The following CCDC92B variants were observed in gnomAD, a reference collection of about 807,000 sequenced individuals.
CCDC92B encodes the protein coiled-coil domain containing 92B, also known as coiled-coil domain-containing 92B.
A neutral mutation model predicts 5.6 loss-of-function variants in CCDC92B; 2 were observed. The ratio of observed to expected loss-of-function variants is 0.36; its 90% CI spans 0.15 to 1.12. The LOEUF is 1.12. Ranked by LOEUF, CCDC92B falls within the 50% of genes most tolerant of loss-of-function variation. The probability of loss-of-function intolerance (pLI) is 0.40; values close to 1 mark genes in which losing one functional copy is unlikely to be tolerated. For missense variants in CCDC92B, 271 were observed against 262.2 expected, an observed-to-expected ratio of 1.03 and a Z score of -0.23; for synonymous variants, 115 against 122.3, an observed-to-expected ratio of 0.94 and a Z score of 0.39.
intron 1 of CCDC92B, among the ~76,000 whole-genome samples, chr17:2,744,484 T>C (rs1373677203): frequency 6.6e-6 from 1 of 152,194 alleles, no homozygotes; most frequent in Admixed American, 6.6e-5. Flanking sequence ...GACCTCCTGC[T>C]TCCAGCCCCC....
rs556216190 is a variant in CCDC92B at position 2,722,798 on chromosome 17, G to C, written c.*1613C>G. 1 of 152,568 alleles carries C rather than the reference G, an allele frequency of 6.6e-6. No homozygotes were observed. The highest frequency in any genetic ancestry group is 2.4e-5 in the African/African-American group (1 of 41,446). The allele number at this position is 152,568 out of a possible 1,614,324, so 9.5% of individuals were successfully genotyped here. ...TCTCCCTGCCCCACGTCCTCCCCTC[G>C]AAGCCCCTGGAAGACCTCACAGGCA... is the stretch of plus-strand genomic sequence containing the variant. On this transcript the variant is annotated 3_prime_UTR_variant, in exon 4 of 4. Transcript: ENST00000614400.
chr17:2,723,937 G>T lies in CCDC92B; in HGVS notation c.*474C>A, dbSNP rs1229694275. On this transcript the variant is annotated 3_prime_UTR_variant, in exon 4 of 4. Coordinates refer to ENST00000614400, the MANE Select transcript of CCDC92B (RefSeq NM_001355573.2). ...AGCCTGGGCCTCTCCTGGGGAGGAA[G>T]AAGGCTTGGCGGGAAGGGCGTCGGC... The T allele has an allele frequency of 3.1e-6, 3 of 981,020 alleles. No homozygotes were observed. Among genetic ancestry groups the T allele is most frequent in the Non-Finnish European group, 3.6e-6 (3 of 828,306 alleles). The allele number at this position is 981,020 out of a possible 1,614,324, so 60.8% of individuals were successfully genotyped here. A position where few individuals can be genotyped will look rare whatever the true frequency, so the allele number is the denominator to read the frequency against.
At position 2,724,328 on chromosome 17, in the gene CCDC92B, C is replaced by T. The variant is rs2070697766; in HGVS notation, c.*83G>A. On this transcript the variant is annotated 3_prime_UTR_variant, in exon 4 of 4. Coordinates refer to ENST00000614400, the MANE Select transcript of CCDC92B (RefSeq NM_001355573.2). The surrounding 1 kb of genome is among the most constrained non-coding windows in gnomAD (Gnocchi z 5.0). The stretch of plus-strand genomic sequence containing the variant: ...TGGAGGAGGGGCGGCTGCCCTCCGA[C>T]CCGGGACCTGCCTGCGGGGACCGAG... The T allele has an allele frequency of 1.0e-6, 1 of 985,186 alleles. No individual in the cohort carries two copies. Among genetic ancestry groups the T allele is most frequent in the Non-Finnish European group, 1.2e-6 (1 of 829,884 alleles). 61.0% of individuals were successfully genotyped at this position (985,186 alleles called of 1,614,324 possible).
At chr17:2,726,088 C>T (rs888081427) in intron 3 of CCDC92B, among the ~76,000 whole-genome samples, 1 of 146,518 alleles carries the variant, frequency 6.8e-6, no homozygotes, top group Non-Finnish European at 1.5e-5. Flanking sequence ...CTTAGCCTTA[C>T]GGGTTCAAGC....
intron 2 of CCDC92B, among the ~76,000 whole-genome samples, chr17:2,731,794 T>G (rs1382386825): frequency 6.6e-5 from 10 of 152,142 alleles, no homozygotes; most frequent in Admixed American, 6.5e-4. Context: ...CAAGGCCTTG[T>G]GATGTAGCCC....
intron 2 of CCDC92B, among the ~76,000 whole-genome samples, chr17:2,733,176 A>G (rs1346853270): frequency 6.6e-6 from 1 of 151,582 alleles, no homozygotes; most frequent in Non-Finnish European, 1.5e-5. Flanking sequence ...CCCGTGTCCT[A>G]AAAAGAGCCA....
chr17:2,734,122 A>G (rs925542926), intron 2 of CCDC92B, among the ~76,000 whole-genome samples: 5 of 151,980 alleles, frequency 3.3e-5, no homozygotes, highest in South Asian at 4.2e-4. Flanking sequence ...AGAACCTTCC[A>G]TGAGCTTTTG....
intron 1 of CCDC92B, among the ~76,000 whole-genome samples, chr17:2,741,287 C>G (rs112286194): frequency 3.3e-5 from 5 of 152,004 alleles, no homozygotes. Flanking sequence ...CAGACATTGC[C>G]GCTGCTAGTA....
At chr17:2,731,806 G>A (rs1280005959) in intron 2 of CCDC92B, among the ~76,000 whole-genome samples, 1 of 152,248 alleles carries the variant, frequency 6.6e-6, no homozygotes, top group Non-Finnish European at 1.5e-5. Context: ...ATGTAGCCCA[G>A]GGACCTTGGC....
chr17:2,736,602 C>T (rs1430009237), intron 1 of CCDC92B, among the ~76,000 whole-genome samples: 1 of 151,568 alleles, frequency 6.6e-6, no homozygotes, highest in African/African-American at 2.4e-5. Flanking sequence ...ATCCATAGGC[C>T]GGACTCGGTG....
At chr17:2,729,422 A>G (rs530997896) in intron 3 of CCDC92B, among the ~76,000 whole-genome samples, 1 of 138,906 alleles carries the variant, frequency 7.2e-6, no homozygotes, top group Admixed American at 8.1e-5. Context: ...TGAACACGGG[A>G]GGTGGAGGTT....
Position 2,722,995 on chromosome 17 carries a change from C to T in CCDC92B, c.*1416G>A, listed in dbSNP as rs1597230108. ...AAGGGGCGTTAGGAGGTGGGGCTTT[C>T]CCCTTTCCACGTCGCCATTCCCCAG... On this transcript the variant is annotated 3_prime_UTR_variant, in exon 4 of 4. Coordinates refer to ENST00000614400, the MANE Select transcript of CCDC92B (RefSeq NM_001355573.2). 6.6e-6 allele frequency: 1 copy of T among 152,556 alleles called. No homozygotes were observed. The highest frequency in any genetic ancestry group is 2.1e-4 in the South Asian group (1 of 4,822). The allele number at this position is 152,556 out of a possible 1,614,324, so 9.5% of individuals were successfully genotyped here.
chr17:2,737,432 CCT>C (rs1410216694), intron 1 of CCDC92B, among the ~76,000 whole-genome samples: 2 of 151,576 alleles, frequency 1.3e-5, no homozygotes, highest in African/African-American at 4.8e-5. Context: ...CTGGTACTCC[CCT>C]GACCCCCCTA....
At position 2,723,962 on chromosome 17, in the gene CCDC92B, C is replaced by A. The variant is rs1195104552; in HGVS notation, c.*449G>T. ...GAAGGCTTGGCGGGAAGGGCGTCGG[C>A]GCGGGGGTGGGGGAGGCGGGGGGTG... On this transcript the variant is annotated 3_prime_UTR_variant, in exon 4 of 4. Coordinates refer to ENST00000614400, the MANE Select transcript of CCDC92B (RefSeq NM_001355573.2). 1 of 756,144 alleles carries A rather than the reference C, an allele frequency of 1.3e-6. No individual in the cohort carries two copies. Among genetic ancestry groups the A allele is most frequent in the Non-Finnish European group, 1.5e-6 (1 of 678,398 alleles). 46.8% of individuals were successfully genotyped at this position (756,144 alleles called of 1,614,324 possible). A position where few individuals can be genotyped will look rare whatever the true frequency, so the allele number is the denominator to read the frequency against.
chr17:2,744,711 G>T (rs1167659097), intron 1 of CCDC92B, among the ~76,000 whole-genome samples: 1 of 152,122 alleles, frequency 6.6e-6, no homozygotes, highest in Non-Finnish European at 1.5e-5. Context: ...TGTGTTAGGG[G>T]TGATATACCC....
chr17:2,736,101 C>G lies in CCDC92B; in HGVS notation c.-23-933G>C, dbSNP rs185138838. ...GGTGAATGTTTCACTAACACTGACT[C>G]TGGGCTGAAGGCAGGTGGTGGAGTC... On this transcript the variant is annotated intron_variant, in intron 1 of 3. Transcript: ENST00000614400. Among the ~76,000 whole-genome samples, 585 of 152,274 alleles carry G rather than the reference C, an allele frequency of 3.8e-3. 1 individual carries two copies. Among genetic ancestry groups the G allele is most frequent in the South Asian group, 0.011 (52 of 4,822 alleles).
intron 3 of CCDC92B, among the ~76,000 whole-genome samples, chr17:2,729,772 C>T (rs1023401431): frequency 6.6e-6 from 1 of 152,192 alleles, no homozygotes; most frequent in South Asian, 2.1e-4. Context: ...TAAAAGTCTA[C>T]ACCCATTGAA....
At chr17:2,733,756 T>G (rs1198462307) in intron 2 of CCDC92B, among the ~76,000 whole-genome samples, 1 of 130,054 alleles carries the variant, frequency 7.7e-6, no homozygotes, top group African/African-American at 3.0e-5. Flanking sequence ...TTTTTTTTTT[T>G]TTTTTTTTTT....
In CCDC92B at chr17:2,724,424, C is replaced by T. The variant is rs1197648191; in HGVS notation, c.755G>A (p.Gly252Glu). Residue 252 changes from glycine to glutamate, a missense_variant, in exon 4 of 4, where the codon GGG (glycine) becomes GAG (glutamate). Coordinates refer to ENST00000614400, the MANE Select transcript of CCDC92B (RefSeq NM_001355573.2). This position sits in a 1 kb window ranked among gnomAD's most constrained non-coding sequence, Gnocchi z 5.0. ...CCAGCCTGGCGCCTACTCCGGGTCCCCGGGCGCGCTGGGCTGGCTGGGCGC... is the reference window on the plus strand; with the variant it reads ...CCAGCCTGGCGCCTACTCCGGGTCCTCGGGCGCGCTGGGCTGGCTGGGCGC... ...QPAPSQPSAP[G>E]DPE is the part of the protein sequence containing the mutation. 6 of 984,742 alleles carry T rather than the reference C, an allele frequency of 6.1e-6. No individual in the cohort carries two copies. Among genetic ancestry groups the T allele is most frequent in the Non-Finnish European group, 7.2e-6 (6 of 829,754 alleles). The allele number at this position is 984,742 out of a possible 1,614,324, so 61.0% of individuals were successfully genotyped here.
Sources: gnomAD v4.1 joint callset for allele counts (sites outside exome capture counted in the v4.1 genomes callset) on GRCh38, gnomAD v4.1.1 for gene constraint, Gnocchi (gnomAD v3.1) non-coding constraint, MANE v1.5 for transcripts, NCBI Gene and HGNC (gene_info 2026-07-23, HGNC 2026-07-21) for gene names.